Variants in RNF138 observed in about 807,000 individuals in gnomAD.
The protein encoded by RNF138 is ring finger protein 138, also known as E3 ubiquitin-protein ligase RNF138.
In RNF138, 12 loss-of-function variants were observed where a neutral mutation model predicts 31.0. The observed-to-expected ratio is 0.39, with a 90% CI of 0.25 to 0.63. The LOEUF (loss-of-function observed/expected upper bound fraction) is 0.63, where lower values mean the gene tolerates loss of function less well. Ranked by LOEUF, RNF138 falls within the 20% of genes least tolerant of loss-of-function variation. The probability of loss-of-function intolerance (pLI) is 0.52; values close to 1 mark genes in which losing one functional copy is unlikely to be tolerated. For synonymous variants in RNF138, 105 were observed against 99.5 expected, an observed-to-expected ratio of 1.06 and a Z score of -0.33; for missense variants, 192 against 300.1, an observed-to-expected ratio of 0.64 and a Z score of 2.66.
At position 32,129,314 on chromosome 18, in the gene RNF138, G is replaced by T. The variant is rs561426277; in HGVS notation, c.*127G>T. ...AAGTAATTCAGTCATTTTAGTTTTT[G>T]ATTGAAAATAAAGGTAGGGCTTCTA... On this transcript the variant is annotated 3_prime_UTR_variant, in exon 8 of 8. Coordinates refer to ENST00000261593, the MANE Select transcript of RNF138 (RefSeq NM_016271.5). The T allele has an allele frequency of 8.0e-6, 5 of 623,260 alleles. No homozygotes were observed. The highest frequency in any genetic ancestry group is 1.4e-5 in the Non-Finnish European group (5 of 358,324). The allele number at this position is 623,260 out of a possible 1,614,324, so 38.6% of individuals were successfully genotyped here.
intron 2 of RNF138, among the ~76,000 whole-genome samples, chr18:32,100,203 T>TAG (rs779818111): frequency 8.0e-6 from 1 of 125,728 alleles, no homozygotes; most frequent in Non-Finnish European, 1.6e-5. Context: ...GTGATTGAGA[T>TAG]ATATATATAT....
In RNF138 at chr18:32,111,830, A is replaced by G. The variant is rs2040136649; in HGVS notation, c.187A>G (p.Arg63Gly). The change falls in exon 3 of 8, where the codon AGA becomes GGA. Residue 63 changes from arginine (R) to glycine (G), a missense_variant. Physicochemically the swap from Arg to Gly is moderately radical, Grantham distance 125. Coordinates refer to ENST00000261593, the MANE Select transcript of RNF138 (RefSeq NM_016271.5). ...HCPLCRGNVT[R>G]RERACPERAL... is the part of the protein sequence containing the mutation. Reference sequence around the variant, plus strand: ...TCCCCTATGTCGTGGAAATGTGACTAGAAGAGAGAGAGCATGTCCTGAACG... The same window carrying G: ...TCCCCTATGTCGTGGAAATGTGACTGGAAGAGAGAGAGCATGTCCTGAACG... 7 of 1,613,938 alleles carry G rather than the reference A, an allele frequency of 4.3e-6. No individual in the cohort carries two copies. Among genetic ancestry groups the G allele is most frequent in the African/African-American group, 1.3e-5 (1 of 75,034 alleles).
chr18:32,093,796 A>G (rs2039754038), intron 2 of RNF138, among the ~76,000 whole-genome samples: 1 of 152,202 alleles, frequency 6.6e-6, no homozygotes. Context: ...GGTTGGAAAG[A>G]GCCCTTGTTG....
At chr18:32,113,917 T>A in intron 4 of RNF138, 57 bp downstream of exon 4, 1 of 910,222 alleles carries the variant, frequency 1.1e-6, no homozygotes, top group Non-Finnish European at 1.7e-6. Context: ...GAAATTGTTT[T>A]GGGAACTATA....
intron 7 of RNF138, among the ~76,000 whole-genome samples, chr18:32,128,020 C>T (rs1429867958): frequency 1.3e-5 from 2 of 152,174 alleles, no homozygotes; most frequent in African/African-American, 4.8e-5. Context: ...GCAGAGCTTG[C>T]AGTGCGTGAA....
At chr18:32,121,570 T>A (rs925371707) in intron 4 of RNF138, among the ~76,000 whole-genome samples, 2 of 152,314 alleles carry the variant, frequency 1.3e-5, no homozygotes, top group African/African-American at 2.4e-5. Context: ...TCCTCCCCAA[T>A]GATATTATAG....
At chr18:32,099,149 C>G (rs2039871209) in intron 2 of RNF138, among the ~76,000 whole-genome samples, 1 of 151,934 alleles carries the variant, frequency 6.6e-6, no homozygotes, top group African/African-American at 2.4e-5. Flanking sequence ...GTAAAGAGAC[C>G]TTTTTTGGTT....
Position 32,129,994 on chromosome 18 carries a change from T to C in RNF138, c.*807T>C, listed in dbSNP as rs1488831607. The stretch of plus-strand genomic sequence containing the variant: ...TGAAACTCTTATTAGAAACTTTCAG[T>C]TGGTGATATTGTATTCTAGAAGATA... On this transcript the variant is annotated 3_prime_UTR_variant, in exon 8 of 8. Coordinates refer to ENST00000261593, the MANE Select transcript of RNF138 (RefSeq NM_016271.5). 1 of 152,278 alleles carries C rather than the reference T, an allele frequency of 6.6e-6. No homozygotes were observed. The highest frequency in any genetic ancestry group is 2.4e-5 in the African/African-American group (1 of 41,456). 9.4% of individuals were successfully genotyped at this position (152,278 alleles called of 1,614,324 possible).
At chr18:32,101,757 T>A (rs1304002151) in intron 2 of RNF138, among the ~76,000 whole-genome samples, 3 of 152,216 alleles carry the variant, frequency 2.0e-5, no homozygotes, top group Non-Finnish European at 2.9e-5. Flanking sequence ...CCATCATCTT[T>A]GCCAATTTTG....
intron 2 of RNF138, among the ~76,000 whole-genome samples, chr18:32,101,990 C>T (rs1013613752): frequency 3.9e-5 from 6 of 152,000 alleles, no homozygotes; most frequent in Admixed American, 3.9e-4. Context: ...GATCCTCCCA[C>T]CTCAGCCTCC....
chr18:32,107,191 G>A (rs2040047135), intron 2 of RNF138, among the ~76,000 whole-genome samples: 1 of 145,128 alleles, frequency 6.9e-6, no homozygotes, highest in Non-Finnish European at 1.5e-5. Flanking sequence ...CGCGATCTCG[G>A]CTCCCTGCAA....
At chr18:32,128,881 C>T (rs1176671737) in intron 7 of RNF138, among the ~76,000 whole-genome samples, 1 of 150,372 alleles carries the variant, frequency 6.7e-6, no homozygotes, top group Admixed American at 6.6e-5. Flanking sequence ...TGTGATGATC[C>T]TCTCTGTTTG....
intron 4 of RNF138, among the ~76,000 whole-genome samples, chr18:32,115,765 ACACG>A (rs779815082): frequency 1.2e-4 from 18 of 151,976 alleles, no homozygotes; most frequent in Non-Finnish European, 2.1e-4. Context: ...ACACGCACAC[ACACG>A]CACGCACGCA....
intron 3 of RNF138, 108 bp from the exon 4 acceptor site, chr18:32,113,637 C>A: frequency 3.9e-6 from 2 of 519,038 alleles, no homozygotes; most frequent in South Asian, 3.3e-5. Flanking sequence ...AAATACAACT[C>A]CTGTTTAAAT....
At chr18:32,120,273 A>G (rs912592100) in intron 4 of RNF138, among the ~76,000 whole-genome samples, 2 of 152,168 alleles carry the variant, frequency 1.3e-5, no homozygotes, top group Non-Finnish European at 2.9e-5. Flanking sequence ...TTTTACTCAA[A>G]TCAGAATCAT....
At chr18:32,094,353 A>G (rs2039767231) in intron 2 of RNF138, among the ~76,000 whole-genome samples, 1 of 151,828 alleles carries the variant, frequency 6.6e-6, no homozygotes, top group South Asian at 2.1e-4. Context: ...TGTCTACTTT[A>G]TTTCTATTTT....
chr18:32,095,732 T>C lies in RNF138; in HGVS notation c.110+2846T>C, dbSNP rs1462593935. On this transcript the variant is annotated intron_variant, in intron 2 of 7. Transcript: ENST00000261593. ...CAAGTTCATTATCATTAGAATAACA[T>C]TACTAAAATATAAACTCCCGTTTAA... Among the ~76,000 whole-genome samples, 5 of 152,328 alleles carry C rather than the reference T, an allele frequency of 3.3e-5. No homozygotes were observed. The East Asian group carries it at 9.6e-4, about 29-fold the overall frequency.
intron 4 of RNF138, among the ~76,000 whole-genome samples, chr18:32,119,193 C>T (rs2040263999): frequency 1.3e-5 from 2 of 152,104 alleles, no homozygotes; most frequent in African/African-American, 2.4e-5. Flanking sequence ...TCTCTGCATC[C>T]TGATTTTTTC....
intron 4 of RNF138, among the ~76,000 whole-genome samples, chr18:32,116,943 C>T (rs898396732): frequency 9.2e-5 from 14 of 152,056 alleles, no homozygotes; most frequent in African/African-American, 3.4e-4. Context: ...TGCTCGTCTC[C>T]CAGGCTGGAG....
Sources: allele counts gnomAD v4.1 joint callset (sites outside exome capture counted in the v4.1 genomes callset), GRCh38; gene constraint gnomAD v4.1.1; transcripts MANE v1.5; gene names NCBI Gene and HGNC (gene_info 2026-07-23, HGNC 2026-07-21).